NLGN4X: variants seen among roughly 807,000 people sequenced by gnomAD.
The protein encoded by NLGN4X is neuroligin 4 X-linked.
NLGN4X carries 3 observed loss-of-function variants against 40.3 expected under a neutral mutation model. The observed-to-expected ratio is 0.07, with a 90% confidence interval of 0.03 to 0.19. The LOEUF is 0.19. Ranked by LOEUF, NLGN4X falls within the 10% of genes least tolerant of loss-of-function variation. NLGN4X has a pLI of 1.00. For synonymous variants in NLGN4X, 270 were observed against 306.8 expected (o/e 0.88, Z 1.25); for missense variants, 382 against 708.3 (o/e 0.54, Z 5.23).
chrX:6,119,461 A>C (rs957999546), intron 2 of NLGN4X, among the ~76,000 whole-genome samples: 18 of 112,341 alleles, frequency 1.6e-4, no homozygotes, highest in African/African-American at 5.5e-4. Context: ...CATGAAAAAA[A>C]TCACAAATAC....
At chrX:5,962,428 G>A (rs150721454) in intron 3 of NLGN4X, among the ~76,000 whole-genome samples, 2,093 of 111,947 alleles carry the variant, frequency 0.019, 56 homozygotes, top group African/African-American at 0.063. Flanking sequence ...TATAGCCAAT[G>A]CATACCAACA....
chrX:6,073,927 A>G (rs753841439), intron 2 of NLGN4X, among the ~76,000 whole-genome samples: 25 of 109,662 alleles, frequency 2.3e-4, no homozygotes, highest in African/African-American at 4.6e-4. Context: ...TATGAAGGAT[A>G]AAAGAAAAGG....
At chrX:5,968,002 T>A (rs1010384750) in intron 3 of NLGN4X, among the ~76,000 whole-genome samples, 25 of 111,550 alleles carry the variant, frequency 2.2e-4, no homozygotes, top group African/African-American at 7.8e-4. Flanking sequence ...TTTCATCCCA[T>A]GCTTACCTGC....
intron 2 of NLGN4X, among the ~76,000 whole-genome samples, chrX:6,127,526 T>C (rs1001178667): frequency 1.8e-5 from 2 of 112,146 alleles, no homozygotes; most frequent in Non-Finnish European, 3.8e-5. Flanking sequence ...GGAGAATCGC[T>C]TGAACCTGAG....
chrX:5,990,777 G>T (rs1306641298), intron 3 of NLGN4X, among the ~76,000 whole-genome samples: 1 of 111,166 alleles, frequency 9.0e-6, no homozygotes, highest in Admixed American at 9.6e-5. Context: ...TGGAGGGGAA[G>T]GAGGAGAGGG....
chrX:6,154,764 A>G (rs1435220058), intron 1 of NLGN4X, among the ~76,000 whole-genome samples: 1 of 112,069 alleles, frequency 8.9e-6, no homozygotes, highest in African/African-American at 3.2e-5. Flanking sequence ...TATTCTCTGC[A>G]AAGACTGCAT....
At chrX:5,910,193 C>A (rs989319919) in intron 3 of NLGN4X, among the ~76,000 whole-genome samples, 8 of 111,876 alleles carry the variant, frequency 7.2e-5, no homozygotes, top group African/African-American at 2.6e-4. Flanking sequence ...ATACACTCTC[C>A]TACTCAGATT....
intron 3 of NLGN4X, among the ~76,000 whole-genome samples, chrX:5,999,671 T>C (rs1384793730): frequency 8.9e-6 from 1 of 112,472 alleles, no homozygotes; most frequent in African/African-American, 3.2e-5. Flanking sequence ...ATTTTTCTTT[T>C]GCATGTCATC....
chrX:6,204,865 G>A (rs757892222), intron 1 of NLGN4X, among the ~76,000 whole-genome samples: 4 of 111,706 alleles, frequency 3.6e-5, no homozygotes, highest in South Asian at 7.5e-4. Flanking sequence ...ACAATGTACC[G>A]AAGACTATCA....
chrX:6,111,913 A>G (rs1347776965), intron 2 of NLGN4X, among the ~76,000 whole-genome samples: 1 of 112,086 alleles, frequency 8.9e-6, no homozygotes, highest in Non-Finnish European at 1.9e-5. Flanking sequence ...TTTTTTAAAT[A>G]TTCAGGGTAG....
intron 1 of NLGN4X, among the ~76,000 whole-genome samples, chrX:6,168,086 C>T (rs182888658): frequency 1.8e-5 from 2 of 112,075 alleles, no homozygotes; most frequent in Admixed American, 1.9e-4. Flanking sequence ...TCTTTCACTC[C>T]GGCCTATTCT....
chrX:6,138,840 T>A (rs2039881011), intron 2 of NLGN4X, among the ~76,000 whole-genome samples: 1 of 110,573 alleles, frequency 9.0e-6, no homozygotes, highest in African/African-American at 3.3e-5. Context: ...ATCGTTTCCG[T>A]CCAGGTAAAT....
At chrX:6,203,794 C>G (rs765015050) in intron 1 of NLGN4X, among the ~76,000 whole-genome samples, 2 of 112,574 alleles carry the variant, frequency 1.8e-5, no homozygotes, top group Non-Finnish European at 3.7e-5. Context: ...TCCTAAATCC[C>G]TGATGTATAG....
At position 6,172,396 on chromosome X, in the gene NLGN4X, A is replaced by C. The variant is rs145726798; in HGVS notation, c.-305-20625T>G. Among the ~76,000 whole-genome samples, 966 of 111,647 alleles carry C rather than the reference A, an allele frequency of 8.7e-3. 8 individuals are homozygous for C. Among genetic ancestry groups the C allele is most frequent in the African/African-American group, 0.03 (926 of 30,657 alleles). On this transcript the variant is annotated intron_variant, in intron 1 of 5. Coordinates refer to ENST00000381095, the MANE Select transcript of NLGN4X (RefSeq NM_181332.3). Reference sequence around the variant, plus strand: ...TTGTCCTTCCTGAAAATACTCTTCGAATGTCAGATTCCTAGAGTCTCCATA... The same window carrying C: ...TTGTCCTTCCTGAAAATACTCTTCGCATGTCAGATTCCTAGAGTCTCCATA...
At chrX:5,925,924 ATATATAT>A (rs2033295596) in intron 3 of NLGN4X, among the ~76,000 whole-genome samples, 3 of 55,143 alleles carry the variant, frequency 5.4e-5, no homozygotes, top group Admixed American at 2.3e-4. Flanking sequence ...ATATATATAT[ATATATAT>A]AAACCTGCGA....
chrX:5,995,184 T>C lies in NLGN4X; in HGVS notation c.625+34096A>G, dbSNP rs777899161. On this transcript the variant is annotated intron_variant, in intron 3 of 5. Coordinates refer to ENST00000381095, the MANE Select transcript of NLGN4X (RefSeq NM_181332.3). ...CTGAAGCAAATGCTCTGGTTAAGTA[T>C]GCAAATCCTATTTAAGAGAAAGGAG... is the stretch of plus-strand genomic sequence containing the variant. 1.3e-3 allele frequency among the ~76,000 whole-genome samples: 145 copies of C among 112,520 alleles called. 2 individuals are homozygous for C. The highest frequency in any genetic ancestry group is 4.6e-3 in the African/African-American group (142 of 31,029).
chrX:6,096,524 C>T (rs2038781096), intron 2 of NLGN4X, among the ~76,000 whole-genome samples: 2 of 111,617 alleles, frequency 1.8e-5, no homozygotes, highest in African/African-American at 6.5e-5. Flanking sequence ...TAATTGAATT[C>T]GCAATGCAGC....
intron 2 of NLGN4X, among the ~76,000 whole-genome samples, chrX:6,111,325 C>G (rs1443180611): frequency 9.0e-6 from 1 of 111,414 alleles, no homozygotes; most frequent in Non-Finnish European, 1.9e-5. Context: ...GCCCTTCCAC[C>G]TTGTCCCTTC....
intron 3 of NLGN4X, among the ~76,000 whole-genome samples, chrX:5,983,414 GA>G (rs2035446368): frequency 8.9e-6 from 1 of 112,144 alleles, no homozygotes. Context: ...ATTTTTTGAA[GA>G]ATGTTCAAAA....
Sources: gnomAD v4.1 joint callset for allele counts (sites outside exome capture counted in the v4.1 genomes callset) on GRCh38, gnomAD v4.1.1 for gene constraint, MANE v1.5 for transcripts, NCBI Gene and HGNC (gene_info 2026-07-23, HGNC 2026-07-21) for gene names.